GPR83: variants seen among roughly 807,000 people sequenced by gnomAD.
GPR83 encodes the protein G-protein coupled receptor 72.
GPR83 carries 23 observed loss-of-function variants against 28.0 expected under a neutral mutation model. The ratio of observed to expected loss-of-function variants is 0.82; its 90% CI spans 0.59 to 1.16. The LOEUF (loss-of-function observed/expected upper bound fraction) is 1.16. Ranked by LOEUF, GPR83 falls within the 50% of genes most tolerant of loss-of-function variation. GPR83 has a pLI of 0.00. For missense variants in GPR83, 610 were observed against 536.6 expected, an observed-to-expected ratio of 1.14 and a Z score of -1.35; for synonymous variants, 234 against 215.4, an observed-to-expected ratio of 1.09 and a Z score of -0.76.
intron 3 of GPR83, among the ~76,000 whole-genome samples, chr11:94,390,916 T>C (rs1235174350): frequency 6.6e-6 from 1 of 152,176 alleles, no homozygotes. Context: ...ATTTATAGGT[T>C]CAATGCTATC....
intron 3 of GPR83, among the ~76,000 whole-genome samples, chr11:94,389,443 T>A (rs951274010): frequency 1.3e-5 from 2 of 152,168 alleles, no homozygotes; most frequent in Admixed American, 6.5e-5. Context: ...AGGGCTGATA[T>A]CCAGAATCTA....
rs376065931 is a variant in GPR83, at chr11:94,380,568, G to A, written c.853C>T (p.Arg285Cys). 53 of 1,613,952 alleles carry A rather than the reference G, an allele frequency of 3.3e-5. No individual in the cohort carries two copies. The highest frequency in any genetic ancestry group is 3.3e-4 in the Middle Eastern group (2 of 6,084). Reference protein sequence around the residue: ...VTTEQYFALRRKKKKTIKMLM... With the variant: ...VTTEQYFALRCKKKKTIKMLM... ...ATCTTGATGGTCTTCTTCTTTTTGCGCCGCAGGGCAAAGTACTGCTCTGTG... is the reference window on the plus strand; with the variant it reads ...ATCTTGATGGTCTTCTTCTTTTTGCACCGCAGGGCAAAGTACTGCTCTGTG... Residue 285 changes from arginine to cysteine, a missense_variant, in exon 4 of 4, where the codon CGC (arginine) becomes TGC (cysteine). Coordinates refer to ENST00000243673, the MANE Select transcript of GPR83 (RefSeq NM_016540.4).
chr11:94,401,134 G>C lies in GPR83; in HGVS notation c.114C>G (p.Ala38=), dbSNP rs1180673097. 1 of 1,614,110 alleles carries C rather than the reference G, an allele frequency of 6.2e-7. No homozygotes were observed. The highest frequency in any genetic ancestry group is 1.3e-5 in the African/African-American group (1 of 74,942). The change falls in exon 1 of 4, where the codon GCC becomes GCG. Residue 38 remains alanine (A), a synonymous_variant. Coordinates refer to ENST00000243673, the MANE Select transcript of GPR83 (RefSeq NM_016540.4). ...SAEAALAVPN[A]SHFFSWNNYT... ...AGTTGTTCCAAGAGAAGAAGTGCGAGGCATTGGGCACGGCCAGGGCCGCCT... is the reference window on the plus strand; with the variant it reads ...AGTTGTTCCAAGAGAAGAAGTGCGACGCATTGGGCACGGCCAGGGCCGCCT...
rs191981764 is a variant in GPR83 at position 94,386,577 on chromosome 11, C to G, written c.648-5804G>C. Among the ~76,000 whole-genome samples, 36 of 151,132 alleles carry G rather than the reference C, an allele frequency of 2.4e-4. No homozygotes were observed. In the East Asian group the frequency reaches 6.8e-3, roughly 29 times the overall value. On this transcript the variant is annotated intron_variant, in intron 3 of 3. Transcript: ENST00000243673. ...GTCTCTGATAAAACAGACTTTAAAC[C>G]AAAGGCCATTACATAATGGTAAAGG...
chr11:94,377,729 T>C lies in GPR83; in HGVS notation c.*2420A>G, dbSNP rs1944636353. 1 of 152,200 alleles carries C rather than the reference T, an allele frequency of 6.6e-6. No individual in the cohort carries two copies. Among genetic ancestry groups the C allele is most frequent in the South Asian group, 2.1e-4 (1 of 4,826 alleles). The allele number at this position is 152,200 out of a possible 1,614,324, so 9.4% of individuals were successfully genotyped here. On this transcript the variant is annotated 3_prime_UTR_variant, in exon 4 of 4. Coordinates refer to ENST00000243673, the MANE Select transcript of GPR83 (RefSeq NM_016540.4). Reference sequence around the variant, plus strand: ...AGAAGATAGGCTTTGTGTTAAATGATTTTTCCCAGCTGTAGGCTAATATAA... The same window carrying C: ...AGAAGATAGGCTTTGTGTTAAATGACTTTTCCCAGCTGTAGGCTAATATAA...
At chr11:94,391,722 A>C (rs1477226667) in intron 3 of GPR83, among the ~76,000 whole-genome samples, 1 of 152,228 alleles carries the variant, frequency 6.6e-6, no homozygotes, top group Non-Finnish European at 1.5e-5. Flanking sequence ...ATTTGAAAAA[A>C]TGCTTGTCAT....
chr11:94,396,385 G>T lies in GPR83; in HGVS notation c.513+14C>A, dbSNP rs1944866448. On this transcript the variant is annotated intron_variant, in intron 2 of 3. Transcript: ENST00000243673. ...GAGAGGGAAGAGCAGAGCATTAGGG[G>T]TAGGTGCCCTCACCTGGTGGCGATC... The T allele has an allele frequency of 6.2e-7, 1 of 1,612,562 alleles. No individual in the cohort carries two copies. The highest frequency in any genetic ancestry group is 2.2e-5 in the East Asian group (1 of 44,842).
At chr11:94,388,057 G>T (rs1021275366) in intron 3 of GPR83, among the ~76,000 whole-genome samples, 2 of 152,118 alleles carry the variant, frequency 1.3e-5, no homozygotes, top group Non-Finnish European at 2.9e-5. Flanking sequence ...CATATAAACA[G>T]AACCAATGAC....
intron 1 of GPR83, among the ~76,000 whole-genome samples, chr11:94,399,280 A>G (rs1478167164): frequency 4.6e-5 from 7 of 152,236 alleles, no homozygotes; most frequent in Admixed American, 3.3e-4. Context: ...ATCCTTGGGT[A>G]ATGCCCAGGG....
chr11:94,380,175 C>T lies in GPR83; in HGVS notation c.1246G>A (p.Val416Met). Reference protein sequence around the residue: ...LQSGKTDLSSVEPIVTMS With the variant: ...LQSGKTDLSSMEPIVTMS ...TAACTCATCGTCACAATGGGTTCCACAGATGACAGGTCTGTCTTCCCAGAC... is the reference window on the plus strand; with the variant it reads ...TAACTCATCGTCACAATGGGTTCCATAGATGACAGGTCTGTCTTCCCAGAC... Residue 416 changes from valine (V) to methionine (M), a missense_variant, in exon 4 of 4, where the codon GTG becomes ATG. Coordinates refer to ENST00000243673, the MANE Select transcript of GPR83 (RefSeq NM_016540.4). 6.6e-7 allele frequency: 1 copy of T among 1,516,478 alleles called. No individual in the cohort carries two copies. The allele number at this position is 1,516,478 out of a possible 1,614,324, so 93.9% of individuals were successfully genotyped here.
chr11:94,393,295 A>G (rs146551992), intron 3 of GPR83, among the ~76,000 whole-genome samples, 190 bp downstream of exon 3: 15 of 152,306 alleles, frequency 9.8e-5, no homozygotes, highest in African/African-American at 3.6e-4. Flanking sequence ...GAGAGAAAGC[A>G]GACAAAATGT....
chr11:94,392,943 C>A (rs1235128741), intron 3 of GPR83, among the ~76,000 whole-genome samples: 1 of 151,710 alleles, frequency 6.6e-6, no homozygotes, highest in Non-Finnish European at 1.5e-5. Context: ...GAAACTGGGC[C>A]AATTCTTCCC....
At chr11:94,382,505 C>G (rs572899113) in intron 3 of GPR83, among the ~76,000 whole-genome samples, 17 of 152,102 alleles carry the variant, frequency 1.1e-4, no homozygotes, top group African/African-American at 3.9e-4. Context: ...TATATGCACC[C>G]AATACAGGAG....
chr11:94,382,343 C>CAAAAAAAA (rs57302833), intron 3 of GPR83, among the ~76,000 whole-genome samples: 6 of 67,308 alleles, frequency 8.9e-5, no homozygotes, highest in African/African-American at 2.5e-4. Flanking sequence ...AACACCATCT[C>CAAAAAAAA]AAAAAAAAAA....
intron 3 of GPR83, among the ~76,000 whole-genome samples, chr11:94,384,082 C>T (rs1048645893): frequency 1.3e-5 from 2 of 152,060 alleles, no homozygotes; most frequent in African/African-American, 4.8e-5. Flanking sequence ...TGCGAAAATC[C>T]TCAATAAAAT....
chr11:94,380,156 A>G lies in GPR83; in HGVS notation c.1265T>C (p.Met422Thr). 2 of 1,512,046 alleles carry G rather than the reference A, an allele frequency of 1.3e-6. No homozygotes were observed. The highest frequency in any genetic ancestry group is 1.8e-6 in the Non-Finnish European group (2 of 1,130,936). The allele number at this position is 1,512,046 out of a possible 1,614,324, so 93.7% of individuals were successfully genotyped here. A position where few individuals can be genotyped will look rare whatever the true frequency, so the allele number is the denominator to read the frequency against. ...DLSSVEPIVT[M>T]S ...CCCTCTTCCCAACCTCTTCTAACTC[A>G]TCGTCACAATGGGTTCCACAGATGA... Residue 422 changes from methionine (M) to threonine (T), a missense_variant, in exon 4 of 4, where the codon ATG becomes ACG. Physicochemically the swap from Met to Thr is moderately conservative, Grantham distance 81. Coordinates refer to ENST00000243673, the MANE Select transcript of GPR83 (RefSeq NM_016540.4).
At chr11:94,384,639 G>A (rs572164272) in intron 3 of GPR83, among the ~76,000 whole-genome samples, 13 of 152,308 alleles carry the variant, frequency 8.5e-5, no homozygotes, top group African/African-American at 2.6e-4. Context: ...GTCAGCGGCA[G>A]CGAGGCTGGG....
At position 94,380,362 on chromosome 11, in the gene GPR83, C is replaced by T. The variant is rs764984463; in HGVS notation, c.1059G>A (p.Arg353=). ...TGCTCAGTAATGCCTTTAGCTCAAT[C>T]CTGAAGTTCTCGTTCAGCCAGCAGT... is the stretch of plus-strand genomic sequence containing the variant. ...FIYCWLNENF[R]IELKALLSMC... The change falls in exon 4 of 4, where the codon AGG becomes AGA. Residue 353 remains arginine (R), a synonymous_variant. Transcript: ENST00000243673. The T allele has an allele frequency of 5.6e-6, 9 of 1,613,896 alleles. 1 individual carries two copies. In the South Asian group the frequency reaches 9.9e-5, roughly 18 times the overall value.
chr11:94,381,415 A>G (rs1193292045), intron 3 of GPR83, among the ~76,000 whole-genome samples: 1 of 152,022 alleles, frequency 6.6e-6, no homozygotes, highest in African/African-American at 2.4e-5. Context: ...GGAAAGGTAG[A>G]AGGGCAGCCT....
Sources: allele counts gnomAD v4.1 joint callset (sites outside exome capture counted in the v4.1 genomes callset), GRCh38; gene constraint gnomAD v4.1.1; transcripts MANE v1.5; gene names NCBI Gene and HGNC (gene_info 2026-07-23, HGNC 2026-07-21).